PCDHGA3: variants seen among roughly 807,000 people sequenced by gnomAD.
The protein encoded by PCDHGA3 is protocadherin gamma-A3.
A neutral mutation model predicts 58.5 loss-of-function variants in PCDHGA3; 40 were observed. The observed-to-expected ratio is 0.68, with a 90% CI of 0.53 to 0.89. The LOEUF is 0.89. Ranked by LOEUF, PCDHGA3 falls within the 40% of genes least tolerant of loss-of-function variation. PCDHGA3 has a pLI of 0.00. For synonymous variants in PCDHGA3, 530 were observed against 525.7 expected (o/e 1.01, Z -0.11); for missense variants, 1,223 against 1,195.9 (o/e 1.02, Z -0.33).
intron 1 of PCDHGA3, among the ~76,000 whole-genome samples, chr5:141,443,034 A>T (rs368996869): frequency 2.0e-5 from 3 of 152,172 alleles, no homozygotes; most frequent in East Asian, 3.8e-4. Context: ...CCAGACCTAA[A>T]CTTTGAAAAT....
chr5:141,388,256 G>T, intron 1 of PCDHGA3: 1 of 1,611,074 alleles, frequency 6.2e-7, no homozygotes, highest in Non-Finnish European at 8.5e-7. Flanking sequence ...TGGAGATCGA[G>T]GACATTAATG....
rs2094474207 is a variant in PCDHGA3 at position 141,403,989 on chromosome 5, A to C, written c.2424+57532A>C. On this transcript the variant is annotated intron_variant, in intron 1 of 3. Coordinates refer to ENST00000253812, the MANE Select transcript of PCDHGA3 (RefSeq NM_018916.4). ...GAAGATGTAAATGACAATAGACCTG[A>C]AGTGACCATTACATCTCTGTTTAGC... The C allele has an allele frequency of 1.2e-6, 2 of 1,613,868 alleles. No homozygotes were observed. Among genetic ancestry groups the C allele is most frequent in the Middle Eastern group, 1.6e-4 (1 of 6,062 alleles).
chr5:141,423,906 G>A (rs2096789586), intron 1 of PCDHGA3: 17 of 1,272,396 alleles, frequency 1.3e-5, no homozygotes, highest in Non-Finnish European at 1.7e-5. Context: ...ATTTCAAAGG[G>A]GCCATTCAAC....
Position 141,486,880 on chromosome 5 carries a change from G to T in PCDHGA3, c.2425-7927G>T. On this transcript the variant is annotated intron_variant, in intron 1 of 3. Transcript: ENST00000253812. The surrounding 1 kb of genome is among the most constrained non-coding windows in gnomAD (Gnocchi z 5.0). The stretch of plus-strand genomic sequence containing the variant: ...ATGCTCCAGCTGTGCTCCGTCCTCG[G>T]GCCCGGCCTGGTTCCTTATGTCCCC... The T allele has an allele frequency of 6.2e-7, 1 of 1,614,212 alleles. No homozygotes were observed. Among genetic ancestry groups the T allele is most frequent in the East Asian group, 2.2e-5 (1 of 44,882 alleles).
At chr5:141,464,407 A>G (rs996561936) in intron 1 of PCDHGA3, among the ~76,000 whole-genome samples, 1 of 151,544 alleles carries the variant, frequency 6.6e-6, no homozygotes, top group Non-Finnish European at 1.5e-5. Flanking sequence ...CCTGAGATAT[A>G]TATATATCTA....
chr5:141,375,593 T>C (rs922478028), intron 1 of PCDHGA3: 1 of 1,614,024 alleles, frequency 6.2e-7, no homozygotes, highest in African/African-American at 1.3e-5. Flanking sequence ...CCTGTCCTCC[T>C]ACGTGTCCAT....
rs1454432396 is a variant in PCDHGA3 at position 141,388,086 on chromosome 5, G to T, written c.2424+41629G>T. 2.9e-6 allele frequency: 4 copies of T among 1,368,264 alleles called. No individual in the cohort carries two copies. Among genetic ancestry groups the T allele is most frequent in the Admixed American group, 2.0e-5 (1 of 48,944 alleles). The allele number at this position is 1,368,264 out of a possible 1,614,324, so 84.8% of individuals were successfully genotyped here. On this transcript the variant is annotated intron_variant, in intron 1 of 3. Coordinates refer to ENST00000253812, the MANE Select transcript of PCDHGA3 (RefSeq NM_018916.4). ...GGAGTTACCGACTCGAAAACTGCGCGTCAGTTCGGAGAAGCCTTACTTCAC... is the reference window on the plus strand; with the variant it reads ...GGAGTTACCGACTCGAAAACTGCGCTTCAGTTCGGAGAAGCCTTACTTCAC...
chr5:141,428,320 T>C (rs2097132935), intron 1 of PCDHGA3: 2 of 650,176 alleles, frequency 3.1e-6, no homozygotes, highest in Admixed American at 2.2e-5. Context: ...GGCCTTGGCC[T>C]TGATTTCTAT....
chr5:141,375,205 A>G (rs1771239671), intron 1 of PCDHGA3: 3 of 1,614,000 alleles, frequency 1.9e-6, no homozygotes, highest in Non-Finnish European at 1.7e-6. Flanking sequence ...TGTTCGATCG[A>G]GACTCTGGCC....
At chr5:141,414,629 G>A (rs2095766704) in intron 1 of PCDHGA3, 2 of 1,613,882 alleles carry the variant, frequency 1.2e-6, no homozygotes, top group Non-Finnish European at 1.7e-6. Context: ...GACCCGGACA[G>A]CAAAGAGAAT....
At chr5:141,427,584 A>G in intron 1 of PCDHGA3, 1 of 674,672 alleles carries the variant, frequency 1.5e-6, no homozygotes, top group Non-Finnish European at 2.7e-6. Context: ...CTCATCCAGC[A>G]CAAGCCTCAC....
At chr5:141,380,146 C>T (rs754635164) in intron 1 of PCDHGA3, among the ~76,000 whole-genome samples, 19 of 151,960 alleles carry the variant, frequency 1.3e-4, no homozygotes, top group African/African-American at 4.1e-4. Flanking sequence ...GTGATCCACC[C>T]GCCTCAGCCT....
chr5:141,373,865 C>T, intron 1 of PCDHGA3: 1 of 465,356 alleles, frequency 2.1e-6, no homozygotes, highest in Admixed American at 3.9e-5. Context: ...GTTGACCAAC[C>T]TGGGCAAGAA....
chr5:141,357,544 CG>C (rs1561515163), intron 1 of PCDHGA3: 1 of 1,614,176 alleles, frequency 6.2e-7, no homozygotes, highest in Non-Finnish European at 8.5e-7. Flanking sequence ...GCTCATCAGC[CG>C]GGAGAGTTGT....
Position 141,491,004 on chromosome 5 carries a change from G to T in PCDHGA3, c.2425-3803G>T. ...CTCGCTCTGCTCCTCCTGGCTCCTT[G>T]GTCACCAAGGTGACAGCCGTGGATG... On this transcript the variant is annotated intron_variant, in intron 1 of 3. Transcript: ENST00000253812. The surrounding 1 kb of genome is among the most constrained non-coding windows in gnomAD (Gnocchi z 6.9). The T allele has an allele frequency of 6.2e-7, 1 of 1,614,024 alleles. No individual in the cohort carries two copies. Among genetic ancestry groups the T allele is most frequent in the Non-Finnish European group, 8.5e-7 (1 of 1,180,026 alleles).
rs200693710 is a variant in PCDHGA3 at position 141,344,090 on chromosome 5, C to G, written c.57C>G (p.Leu19=). ...GAGGACTGGCCCTGCTGTGCGCGCT[C>G]CTGGGGACGCTGTGCGAAACAGGAT... The part of the protein sequence containing the change: ...NGRGLALLCA[L]LGTLCETGSG... Residue 19 remains leucine (L), a synonymous_variant, in exon 1 of 4, where the codon CTC becomes CTG. Coordinates refer to ENST00000253812, the MANE Select transcript of PCDHGA3 (RefSeq NM_018916.4). 3.1e-6 allele frequency: 5 copies of G among 1,613,426 alleles called. No homozygotes were observed. The highest frequency in any genetic ancestry group is 1.3e-5 in the African/African-American group (1 of 75,048).
chr5:141,382,921 G>A, intron 1 of PCDHGA3: 2 of 1,560,324 alleles, frequency 1.3e-6, no homozygotes, highest in South Asian at 1.2e-5. Flanking sequence ...GCCGAGGGGC[G>A]GGGACTACAG....
chr5:141,408,673 C>T (rs1397679515), intron 1 of PCDHGA3: 3 of 1,613,854 alleles, frequency 1.9e-6, no homozygotes, highest in Non-Finnish European at 2.5e-6. Flanking sequence ...TTGACCCTGC[C>T]ACGGATCCTG....
intron 1 of PCDHGA3, chr5:141,388,598 T>C: frequency 1.2e-6 from 2 of 1,613,920 alleles, no homozygotes; most frequent in Non-Finnish European, 1.7e-6. Context: ...CCAATGATAA[T>C]GCTCCAGTGT....
Sources: gnomAD v4.1 joint callset for allele counts (sites outside exome capture counted in the v4.1 genomes callset) on GRCh38, gnomAD v4.1.1 for gene constraint, Gnocchi (gnomAD v3.1) non-coding constraint, MANE v1.5 for transcripts, NCBI Gene and HGNC (gene_info 2026-07-23, HGNC 2026-07-21) for gene names.